MEIS2: variants seen among roughly 807,000 people sequenced by gnomAD.
MEIS2 encodes the protein homeobox protein Meis2.
MEIS2 carries 9 observed loss-of-function variants against 58.6 expected under a neutral mutation model. That is an observed-to-expected ratio of 0.15 (90% CI 0.09 to 0.27). The LOEUF is 0.27. MEIS2 is among the 10% of genes least tolerant of loss of function. The pLI, the probability that MEIS2 is intolerant of heterozygous loss-of-function variation, is 1.00. For synonymous variants in MEIS2, 221 were observed against 228.4 expected, an observed-to-expected ratio of 0.97 and a Z score of 0.29; for missense variants, 427 against 635.0, an observed-to-expected ratio of 0.67 and a Z score of 3.52.
chr15:36,943,568 A>AT (rs1722295304), intron 9 of MEIS2, among the ~76,000 whole-genome samples: 2 of 152,116 alleles, frequency 1.3e-5, no homozygotes, highest in South Asian at 4.1e-4. Context: ...TTTAAGGGGC[A>AT]TTTTTTGGAA....
intron 9 of MEIS2, among the ~76,000 whole-genome samples, chr15:36,922,947 T>C (rs955458162): frequency 4.6e-5 from 7 of 152,182 alleles, no homozygotes; most frequent in African/African-American, 1.7e-4. Context: ...GCAGTGTTTT[T>C]AGTTATCTAG....
chr15:37,051,443 G>A (rs1303051444), intron 7 of MEIS2, among the ~76,000 whole-genome samples: 1 of 152,144 alleles, frequency 6.6e-6, no homozygotes, highest in Non-Finnish European at 1.5e-5. Context: ...GCAGATCAGT[G>A]GTTACTTGAG....
intron 7 of MEIS2, among the ~76,000 whole-genome samples, chr15:37,066,780 A>C (rs1889989378): frequency 6.6e-6 from 1 of 152,012 alleles, no homozygotes; most frequent in African/African-American, 2.4e-5. Context: ...AGAGCAACTA[A>C]CTTTATTTTT....
At chr15:37,082,941 T>C (rs1309598271) in intron 7 of MEIS2, among the ~76,000 whole-genome samples, 1 of 152,116 alleles carries the variant, frequency 6.6e-6, no homozygotes, top group African/African-American at 2.4e-5. Flanking sequence ...ACAGTCATAA[T>C]AGAGATGAAA....
intron 9 of MEIS2, chr15:36,901,021 A>G (rs2056443579): frequency 6.6e-6 from 1 of 152,216 alleles, no homozygotes; most frequent in South Asian, 2.1e-4. Context: ...CCATCCCTGA[A>G]CACTCTGAGG....
intron 8 of MEIS2, among the ~76,000 whole-genome samples, chr15:36,997,495 T>A (rs1314355658): frequency 2.0e-5 from 3 of 151,646 alleles, no homozygotes; most frequent in Non-Finnish European, 4.4e-5. Flanking sequence ...CTCTCTTTTT[T>A]TTTTTTTTTG....
intron 1 of MEIS2, 89 bp from the exon 2 acceptor site, chr15:37,098,288 G>A (rs1894578495): frequency 4.2e-6 from 6 of 1,438,406 alleles, no homozygotes; most frequent in Non-Finnish European, 5.5e-6. Flanking sequence ...AGGGAGAAGA[G>A]GGCGAACAGA....
At chr15:37,008,742 G>C (rs1435973413) in intron 8 of MEIS2, among the ~76,000 whole-genome samples, 1 of 152,090 alleles carries the variant, frequency 6.6e-6, no homozygotes, top group Non-Finnish European at 1.5e-5. Context: ...ATTGATTTGG[G>C]GGGAAAAAGA....
chr15:36,945,058 G>A (rs189351470), intron 9 of MEIS2, among the ~76,000 whole-genome samples: 2 of 152,120 alleles, frequency 1.3e-5, no homozygotes, highest in East Asian at 3.9e-4. Context: ...GCAGTGGAAT[G>A]ACAACATACA....
intron 8 of MEIS2, among the ~76,000 whole-genome samples, chr15:36,956,021 CAAAAAAAAAA>C (rs757524401): frequency 2.1e-5 from 1 of 46,618 alleles, no homozygotes; most frequent in Non-Finnish European, 3.8e-5. Context: ...ACTAAAAATA[CAAAAAAAAAA>C]AAAAAAAAAA....
intron 7 of MEIS2, among the ~76,000 whole-genome samples, chr15:37,078,027 A>G (rs1421133594): frequency 1.3e-5 from 2 of 152,092 alleles, no homozygotes; most frequent in African/African-American, 4.8e-5. Flanking sequence ...TAGAATCCTC[A>G]CTTGGCATGA....
At position 37,085,415 on chromosome 15, in the gene MEIS2, TAAAACAAGAAACC is replaced by T. The variant is rs1239087900; in HGVS notation, c.640-1543_640-1531del. 2.6e-5 allele frequency among the ~76,000 whole-genome samples: 4 copies of T among 152,080 alleles called. No homozygotes were observed. The East Asian group carries it at 7.7e-4, about 29-fold the overall frequency. Reference sequence around the variant, plus strand: ...TATAGCATGGATGATGTTACCAAAATAAAACAAGAAACCAAGGTGAGAAAAAAATAGGGAAATG... The same window carrying T: ...TATAGCATGGATGATGTTACCAAAATAAGGTGAGAAAAAAATAGGGAAATG... On this transcript the variant is annotated intron_variant, in intron 6 of 11. Transcript: ENST00000561208.
chr15:36,893,707 T>C (rs1218457662), intron 11 of MEIS2, among the ~76,000 whole-genome samples: 1 of 152,244 alleles, frequency 6.6e-6, no homozygotes, highest in Non-Finnish European at 1.5e-5. Flanking sequence ...GTTTTCTCTA[T>C]AGCTGTTTTA....
intron 2 of MEIS2, among the ~76,000 whole-genome samples, chr15:37,097,619 G>A (rs1894444024): frequency 6.6e-6 from 1 of 152,122 alleles, no homozygotes; most frequent in African/African-American, 2.4e-5. Flanking sequence ...TTTCTCCTTC[G>A]TCAAGGCCTC....
At chr15:36,971,129 TTTACCTGCCTCTGGCTAG>T (rs1253201643) in intron 8 of MEIS2, among the ~76,000 whole-genome samples, 2 of 151,950 alleles carry the variant, frequency 1.3e-5, no homozygotes, top group Non-Finnish European at 2.9e-5. Context: ...GTAAAGTCGA[TTTACCTGCCTCTGGCTAG>T]TAACAGGAAA....
intron 7 of MEIS2, among the ~76,000 whole-genome samples, chr15:37,053,684 T>C (rs961890152): frequency 6.6e-6 from 1 of 152,174 alleles, no homozygotes; most frequent in Non-Finnish European, 1.5e-5. Flanking sequence ...AAAACAACTA[T>C]ATAACCAAGA....
intron 9 of MEIS2, among the ~76,000 whole-genome samples, chr15:36,944,453 C>T (rs1595778252): frequency 1.3e-5 from 2 of 151,998 alleles, no homozygotes; most frequent in African/African-American, 2.4e-5. Context: ...GAGTGACTGT[C>T]GGCAAGAAAA....
chr15:36,954,816 T>A (rs890255852), intron 8 of MEIS2, among the ~76,000 whole-genome samples: 1 of 152,202 alleles, frequency 6.6e-6, no homozygotes, highest in Non-Finnish European at 1.5e-5. Context: ...AGTACATGCG[T>A]GGAAACTGAT....
chr15:36,984,541 C>A (rs2060034353), intron 8 of MEIS2, among the ~76,000 whole-genome samples: 2 of 152,006 alleles, frequency 1.3e-5, no homozygotes. Flanking sequence ...GGCATATTAG[C>A]TTGTAATTTT....
Sources: gnomAD v4.1 joint callset for allele counts (sites outside exome capture counted in the v4.1 genomes callset) on GRCh38, gnomAD v4.1.1 for gene constraint, MANE v1.5 for transcripts, NCBI Gene and HGNC (gene_info 2026-07-23, HGNC 2026-07-21) for gene names.